TBC1D5: variants seen among roughly 807,000 people sequenced by gnomAD.
TBC1D5 encodes TBC1 domain family, member 5.
Under a neutral mutation model 100.3 loss-of-function variants are expected in TBC1D5, and 75 were observed. The observed-to-expected ratio is 0.75, with a 90% CI of 0.62 to 0.91. The LOEUF (loss-of-function observed/expected upper bound fraction) is 0.91. Among genes scored for constraint, TBC1D5 ranks in the 40% least tolerant of loss-of-function variants. The pLI, the probability that TBC1D5 is intolerant of heterozygous loss-of-function variation, is 0.00. For synonymous variants in TBC1D5, 323 were observed against 325.6 expected (o/e 0.99, Z 0.09); for missense variants, 910 against 942.4 (o/e 0.97, Z 0.45).
At chr3:17,431,940 T>C (rs986713332) in intron 3 of TBC1D5, among the ~76,000 whole-genome samples, 4 of 152,152 alleles carry the variant, frequency 2.6e-5, no homozygotes, top group Admixed American at 2.6e-4. Flanking sequence ...ATTTCTGTAG[T>C]ATTTTTTTAT....
chr3:17,729,127 T>TA (rs2076357215), intron 1 of TBC1D5, among the ~76,000 whole-genome samples: 1 of 148,080 alleles, frequency 6.8e-6, no homozygotes, highest in African/African-American at 2.5e-5. Context: ...GCCAACAGAC[T>TA]AACCAAAAAC....
At chr3:17,455,919 C>T (rs181234916) in intron 3 of TBC1D5, among the ~76,000 whole-genome samples, 1 of 152,040 alleles carries the variant, frequency 6.6e-6, no homozygotes, top group Non-Finnish European at 1.5e-5. Context: ...TCTATAGTAA[C>T]CAAAACAGGA....
intron 1 of TBC1D5, among the ~76,000 whole-genome samples, chr3:17,698,686 C>T (rs1399504745): frequency 3.4e-5 from 5 of 148,382 alleles, no homozygotes; most frequent in Non-Finnish European, 7.4e-5. Context: ...TGAACTCAAA[C>T]AAATTTACAA....
intron 2 of TBC1D5, among the ~76,000 whole-genome samples, chr3:17,573,811 A>C (rs2096641437): frequency 6.6e-6 from 1 of 151,994 alleles, no homozygotes; most frequent in Non-Finnish European, 1.5e-5. Flanking sequence ...TCTGAGGTAC[A>C]CTGTTTCCCA....
At chr3:17,440,194 A>AT (rs2094621839) in intron 3 of TBC1D5, among the ~76,000 whole-genome samples, 2 of 152,224 alleles carry the variant, frequency 1.3e-5, no homozygotes, top group Admixed American at 1.3e-4. Context: ...CTATAATAAC[A>AT]TATGAATGAG....
intron 13 of TBC1D5, among the ~76,000 whole-genome samples, chr3:17,315,189 A>T (rs2084536262): frequency 6.6e-6 from 1 of 152,262 alleles, no homozygotes; most frequent in East Asian, 1.9e-4. Context: ...CATTCAGCCA[A>T]TGGCCATCAG....
intron 2 of TBC1D5, among the ~76,000 whole-genome samples, chr3:17,521,732 T>C (rs1291088764): frequency 6.6e-6 from 1 of 152,182 alleles, no homozygotes; most frequent in African/African-American, 2.4e-5. Context: ...GTTAACTCTT[T>C]CATTCATGAA....
At chr3:17,493,939 T>A (rs1324826702) in intron 3 of TBC1D5, among the ~76,000 whole-genome samples, 1 of 152,196 alleles carries the variant, frequency 6.6e-6, no homozygotes, top group Admixed American at 6.5e-5. Context: ...AGTTCATCCA[T>A]CTCAGCCTCA....
At chr3:17,205,034 G>A (rs1037586353) in intron 18 of TBC1D5, among the ~76,000 whole-genome samples, 1 of 152,192 alleles carries the variant, frequency 6.6e-6, no homozygotes, top group Admixed American at 6.5e-5. Flanking sequence ...ATGACTAAAT[G>A]TATGTTTCAA....
At chr3:17,495,025 C>T (rs1022770557) in intron 3 of TBC1D5, among the ~76,000 whole-genome samples, 1 of 152,246 alleles carries the variant, frequency 6.6e-6, no homozygotes, top group African/African-American at 2.4e-5. Context: ...GCTCCCCTTG[C>T]CCCGTGCGGC....
chr3:17,242,936 G>C (rs555625914), intron 16 of TBC1D5, among the ~76,000 whole-genome samples: 1 of 152,258 alleles, frequency 6.6e-6, no homozygotes, highest in South Asian at 2.1e-4. Flanking sequence ...CTTCTCATCT[G>C]ATAGTGTGAA....
chr3:17,531,222 C>A (rs2096219479), intron 2 of TBC1D5, among the ~76,000 whole-genome samples: 1 of 152,154 alleles, frequency 6.6e-6, no homozygotes, highest in African/African-American at 2.4e-5. Flanking sequence ...CATGAGTGAA[C>A]TCCCATTCAC....
intron 3 of TBC1D5, among the ~76,000 whole-genome samples, chr3:17,493,462 T>C (rs998060660): frequency 1.3e-5 from 2 of 152,148 alleles, no homozygotes; most frequent in Non-Finnish European, 2.9e-5. Context: ...TGAATTTGAA[T>C]GTTGGCATGT....
intron 13 of TBC1D5, among the ~76,000 whole-genome samples, chr3:17,342,274 C>T (rs752587338): frequency 4.6e-5 from 7 of 152,196 alleles, no homozygotes; most frequent in African/African-American, 7.2e-5. Flanking sequence ...TTCTTACATA[C>T]ATTTGGAGAA....
At chr3:17,233,121 A>G (rs1281709316) in intron 17 of TBC1D5, among the ~76,000 whole-genome samples, 1 of 152,212 alleles carries the variant, frequency 6.6e-6, no homozygotes, top group East Asian at 1.9e-4. Flanking sequence ...ACAAATGGAT[A>G]TGATATTTAA....
intron 16 of TBC1D5, among the ~76,000 whole-genome samples, chr3:17,249,506 G>A (rs1181387120): frequency 2.0e-5 from 3 of 152,164 alleles, no homozygotes; most frequent in African/African-American, 7.2e-5. Flanking sequence ...CTGGATCATG[G>A]GGGTGTACCC....
At chr3:17,291,807 T>C (rs1193116389) in intron 15 of TBC1D5, 88 bp downstream of exon 15, 3 of 1,259,732 alleles carry the variant, frequency 2.4e-6, no homozygotes, top group African/African-American at 3.0e-5. Flanking sequence ...ATTAGGCAAA[T>C]TCCACATTTG....
At chr3:17,367,893 C>T (rs997840249) in intron 13 of TBC1D5, among the ~76,000 whole-genome samples, 17 of 151,538 alleles carry the variant, frequency 1.1e-4, no homozygotes, top group African/African-American at 3.6e-4. Context: ...ATTATTTATT[C>T]GAATTATAGT....
At chr3:17,496,030 A>G (rs549211700) in intron 3 of TBC1D5, among the ~76,000 whole-genome samples, 1 of 152,318 alleles carries the variant, frequency 6.6e-6, no homozygotes, top group Non-Finnish European at 1.5e-5. Flanking sequence ...CATTCTTGCA[A>G]ACTTTGCTTT....
Sources: allele counts gnomAD v4.1 joint callset (sites outside exome capture counted in the v4.1 genomes callset), GRCh38; gene constraint gnomAD v4.1.1; transcripts MANE v1.5; gene names NCBI Gene and HGNC (gene_info 2026-07-23, HGNC 2026-07-21).